FNDC3B: variants seen among roughly 807,000 people sequenced by gnomAD.
FNDC3B encodes the protein fibronectin type III domain containing 3B, also known as fibronectin type III domain-containing protein 3B.
Under a neutral mutation model 151.5 loss-of-function variants are expected in FNDC3B, and 12 were observed. That is an observed-to-expected ratio of 0.08 (90% CI 0.05 to 0.13). The LOEUF (loss-of-function observed/expected upper bound fraction) is 0.13, where lower values mean the gene tolerates loss of function less well. Ranked by LOEUF, FNDC3B falls within the 10% of genes least tolerant of loss-of-function variation. The pLI is 1.00. For missense variants in FNDC3B, 1,214 were observed against 1,505.3 expected (o/e 0.81, Z 3.20); for synonymous variants, 528 against 549.0 (o/e 0.96, Z 0.54).
At chr3:172,203,186 G>C (rs6806721) in intron 3 of FNDC3B, among the ~76,000 whole-genome samples, 6,896 of 152,230 alleles carry the variant, frequency 0.045, 539 homozygotes, top group African/African-American at 0.16. Flanking sequence ...GGAGGACATT[G>C]TCTCTCTCCC....
chr3:172,071,831 G>A (rs1378905882), intron 1 of FNDC3B, among the ~76,000 whole-genome samples: 1 of 152,062 alleles, frequency 6.6e-6, no homozygotes, highest in Non-Finnish European at 1.5e-5. Context: ...TCCGTATGAA[G>A]TCATTTTCTC....
chr3:172,348,422 C>T (rs1354778263), intron 21 of FNDC3B, among the ~76,000 whole-genome samples: 1 of 152,156 alleles, frequency 6.6e-6, no homozygotes, highest in Non-Finnish European at 1.5e-5. Flanking sequence ...GAATGAAGCA[C>T]CTGGGACATA....
chr3:172,057,232 G>A (rs1394480842), intron 1 of FNDC3B, among the ~76,000 whole-genome samples: 1 of 152,126 alleles, frequency 6.6e-6, no homozygotes, highest in Non-Finnish European at 1.5e-5. Flanking sequence ...CAGCTGTTGG[G>A]CTCCCAAGCT....
intron 1 of FNDC3B, among the ~76,000 whole-genome samples, chr3:172,057,598 G>C (rs1716977658): frequency 1.3e-5 from 2 of 152,070 alleles, no homozygotes; most frequent in Admixed American, 1.3e-4. Context: ...GAATGGAAAG[G>C]ATAATAGGGA....
intron 11 of FNDC3B, among the ~76,000 whole-genome samples, chr3:172,325,866 C>T (rs1732316243): frequency 6.6e-6 from 1 of 152,324 alleles, no homozygotes; most frequent in East Asian, 1.9e-4. Flanking sequence ...TTCTGTCACC[C>T]AGGCTGGAGT....
Position 172,109,164 on chromosome 3 carries a change from C to CT in FNDC3B, c.-28-3269dup, listed in dbSNP as rs398052444. ...GGGATTACAAAGAAGGCCTTGGATTCTTTTTTTTTTTTTTTTTTTGAGACG... is the reference window on the plus strand; with the variant it reads ...GGGATTACAAAGAAGGCCTTGGATTCTTTTTTTTTTTTTTTTTTTTGAGACG... On this transcript the variant is annotated intron_variant, in intron 1 of 25. Coordinates refer to ENST00000415807, the MANE Select transcript of FNDC3B (RefSeq NM_022763.4). Among the ~76,000 whole-genome samples, 857 of 120,036 alleles carry CT rather than the reference C, an allele frequency of 7.1e-3. 28 individuals carry two copies. Among genetic ancestry groups the CT allele is most frequent in the African/African-American group, 0.021 (665 of 31,592 alleles). 78.7% of individuals were successfully genotyped at this position (120,036 alleles called of 152,430 possible). A position where few individuals can be genotyped will look rare whatever the true frequency, so the allele number is the denominator to read the frequency against.
chr3:172,360,923 C>T (rs1234164128), intron 22 of FNDC3B, among the ~76,000 whole-genome samples: 2 of 152,030 alleles, frequency 1.3e-5, no homozygotes, highest in Non-Finnish European at 2.9e-5. Context: ...GTTCCTTTGC[C>T]TTTCCACATC....
At chr3:172,390,823 G>A (rs1176276603) in intron 25 of FNDC3B, among the ~76,000 whole-genome samples, 1 of 152,182 alleles carries the variant, frequency 6.6e-6, no homozygotes, top group Non-Finnish European at 1.5e-5. Context: ...TTGCTTGGCA[G>A]AAACTGAGCA....
At chr3:172,083,776 A>T (rs183772996) in intron 1 of FNDC3B, among the ~76,000 whole-genome samples, 2 of 152,220 alleles carry the variant, frequency 1.3e-5, no homozygotes, top group Admixed American at 1.3e-4. Flanking sequence ...ATGTGGTCAG[A>T]TTATAATAAA....
chr3:172,362,048 C>T (rs1014249703), intron 22 of FNDC3B, among the ~76,000 whole-genome samples: 2 of 152,202 alleles, frequency 1.3e-5, no homozygotes, highest in African/African-American at 4.8e-5. Context: ...TGTTTCTTAT[C>T]CATAACTCTG....
At chr3:172,287,338 T>C (rs1220469088) in intron 7 of FNDC3B, among the ~76,000 whole-genome samples, 2 of 152,158 alleles carry the variant, frequency 1.3e-5, no homozygotes, top group African/African-American at 4.8e-5. Context: ...TCTGGAAAGA[T>C]AGATACAGCG....
chr3:172,188,694 G>A (rs1351793052), intron 3 of FNDC3B, among the ~76,000 whole-genome samples: 2 of 152,086 alleles, frequency 1.3e-5, no homozygotes, highest in Non-Finnish European at 2.9e-5. Flanking sequence ...TGTGAGCCAC[G>A]GCTCCCGGCC....
chr3:172,144,080 T>C (rs923681313), intron 3 of FNDC3B, among the ~76,000 whole-genome samples: 4 of 152,166 alleles, frequency 2.6e-5, no homozygotes, highest in African/African-American at 9.6e-5. Flanking sequence ...GGAAGCTTGG[T>C]GCTGGGATCT....
chr3:172,270,603 A>T (rs952987603), intron 6 of FNDC3B, among the ~76,000 whole-genome samples: 1 of 152,090 alleles, frequency 6.6e-6, no homozygotes, highest in African/African-American at 2.4e-5. Context: ...ACTTCATCAC[A>T]TCACGCTTCT....
rs528490017 is a variant in FNDC3B at position 172,126,431 on chromosome 3, A to G, written c.112-7040A>G. ...ATGTCCTCAAAGCTGTAGTTCTTCC[A>G]AGACCAAGAATCTAAGTGTGCCTGG... On this transcript the variant is annotated intron_variant, in intron 2 of 25. Transcript: ENST00000415807. Among the ~76,000 whole-genome samples, 46 of 152,320 alleles carry G rather than the reference A, an allele frequency of 3.0e-4. No homozygotes were observed. The South Asian group carries it at 9.3e-3, about 31-fold the overall frequency.
chr3:172,345,253 G>A (rs1438778857), intron 19 of FNDC3B, among the ~76,000 whole-genome samples: 1 of 152,100 alleles, frequency 6.6e-6, no homozygotes, highest in African/African-American at 2.4e-5. Context: ...GAACATTAAC[G>A]CCTATGTACC....
chr3:172,388,163 G>T (rs1735816575), intron 25 of FNDC3B, among the ~76,000 whole-genome samples: 1 of 152,170 alleles, frequency 6.6e-6, no homozygotes. Context: ...CTTGGGAGGG[G>T]TGACATTAGT....
At chr3:172,211,995 A>T (rs998650178) in intron 3 of FNDC3B, among the ~76,000 whole-genome samples, 2 of 152,312 alleles carry the variant, frequency 1.3e-5, no homozygotes, top group East Asian at 3.9e-4. Context: ...ATATTAAACG[A>T]TCACCAGGGA....
At chr3:172,389,348 C>G (rs1447599495) in intron 25 of FNDC3B, among the ~76,000 whole-genome samples, 1 of 152,162 alleles carries the variant, frequency 6.6e-6, no homozygotes, top group African/African-American at 2.4e-5. Flanking sequence ...TGAGATATGA[C>G]TGGCCTCACC....
Sources: gnomAD v4.1 joint callset for allele counts (sites outside exome capture counted in the v4.1 genomes callset) on GRCh38, gnomAD v4.1.1 for gene constraint, MANE v1.5 for transcripts, NCBI Gene and HGNC (gene_info 2026-07-23, HGNC 2026-07-21) for gene names.